Variants in IGSF9B observed in about 807,000 individuals in gnomAD.
IGSF9B encodes protein turtle homolog B.
Under a neutral mutation model 143.7 loss-of-function variants are expected in IGSF9B, and 48 were observed. The observed-to-expected ratio is 0.33, with a 90% CI of 0.26 to 0.42. The LOEUF is 0.42. IGSF9B is among the 20% of genes least tolerant of loss of function. IGSF9B has a pLI of 1.00. For synonymous variants in IGSF9B, 903 were observed against 833.1 expected (o/e 1.08, Z -1.44); for missense variants, 1,706 against 1,980.0 (o/e 0.86, Z 2.63).
rs1940206679 is a variant in IGSF9B, at chr11:133,953,852, G to T, written c.64+2839C>A. Among the ~76,000 whole-genome samples, 1 of 152,134 alleles carries T rather than the reference G, an allele frequency of 6.6e-6. No homozygotes were observed. ...CCAATCACTGTCTTCCAGGTTCTGG[G>T]TACCACTCCAGCCCCTCTCTTCTCC... On this transcript the variant is annotated intron_variant, in intron 1 of 19. Transcript: ENST00000533871. This position sits in a 1 kb window ranked among gnomAD's most constrained non-coding sequence, Gnocchi z 4.2.
rs1200436298 is a variant in IGSF9B at position 133,921,367 on chromosome 11, G to A, written c.2358C>T (p.Ser786=). The A allele has an allele frequency of 6.5e-7, 1 of 1,544,346 alleles. No individual in the cohort carries two copies. Among genetic ancestry groups the A allele is most frequent in the Admixed American group, 1.9e-5 (1 of 53,008 alleles). The change falls in exon 18 of 20, where the codon AGC becomes AGT. Residue 786 remains serine (S), a synonymous_variant. Transcript: ENST00000533871. ...PLSSGKVSPE[S]IRTLRAPSES... ...CTGACGGCGCTCGGAGCGTGCGGAT[G>A]CTCTCGGGGCTCACCTTGCCAGAGG...
Position 133,902,473 on chromosome 11 carries a change from C to CCACA in IGSF9B, c.*6592_*6595dup, listed in dbSNP as rs1368052412. 1.4e-5 allele frequency among the ~76,000 whole-genome samples: 1 copy of CCACA among 71,014 alleles called. No individual in the cohort carries two copies. The highest frequency in any genetic ancestry group is 3.9e-5 in the Non-Finnish European group (1 of 25,914). The allele number at this position is 71,014 out of a possible 152,430, so 46.6% of individuals were successfully genotyped here. ...GACACACCACACACAGATACACACA[C>CCACA]CACACACAACACACACACACACCAG... On this transcript the variant is annotated 3_prime_UTR_variant, in exon 20 of 20. Transcript: ENST00000533871.
In IGSF9B at chr11:133,920,405, G is replaced by C. The variant is rs755766026; in HGVS notation, c.3320C>G (p.Ser1107Trp). 1.3e-6 allele frequency: 2 copies of C among 1,593,828 alleles called. No homozygotes were observed. Among genetic ancestry groups the C allele is most frequent in the African/African-American group, 1.4e-5 (1 of 74,072 alleles). ...CGCTGGGACAGGGCCCCTGCCGGGC[G>C]ACTTGCCTGCCCAACCCTTCGGTGC... ...LEAPKGWAGK[S>W]PGRGPVPAPP... is the part of the protein sequence containing the mutation. The change falls in exon 18 of 20, where the codon TCG (serine) becomes TGG (tryptophan). Residue 1107 changes from serine (S) to tryptophan (W), a missense_variant. Transcript: ENST00000533871.
chr11:133,909,145 C>T lies in IGSF9B; in HGVS notation c.4238G>A (p.Arg1413His), dbSNP rs1043211043. 3.9e-6 allele frequency: 6 copies of T among 1,535,740 alleles called. No individual in the cohort carries two copies. The highest frequency in any genetic ancestry group is 5.2e-6 in the Non-Finnish European group (6 of 1,146,742). ...CGCTGTCTGGTCTTCCGGAAGCTGG[C>T]GGTGGCACAAGTCTGAGAGCCGGGC... The part of the protein sequence containing the change: ...PFARLSDLCH[R>H]QLPEDQTAIL... The change falls in exon 20 of 20, where the codon CGC becomes CAC. Residue 1413 changes from arginine to histidine, a missense_variant. Around this residue, in one of 7 missense-constraint regions of IGSF9B, gnomAD observed 880 missense variants for 762.9 expected, o/e 1.15. Coordinates refer to ENST00000533871, the MANE Select transcript of IGSF9B (RefSeq NM_001277285.4). This position sits in a 1 kb window ranked among gnomAD's most constrained non-coding sequence, Gnocchi z 4.2.
chr11:133,943,985 C>T (rs971931192), intron 3 of IGSF9B, among the ~76,000 whole-genome samples: 1 of 152,240 alleles, frequency 6.6e-6, no homozygotes, highest in Admixed American at 6.5e-5. Flanking sequence ...CAGCACCACA[C>T]ATGCAGGGAG....
intron 5 of IGSF9B, among the ~76,000 whole-genome samples, chr11:133,937,125 A>G (rs1454853327): frequency 1.3e-5 from 2 of 152,170 alleles, no homozygotes. Context: ...AAACCCACAC[A>G]GCAGGGGCCT....
Position 133,931,841 on chromosome 11 carries a change from C to T in IGSF9B, c.1111-46G>A, listed in dbSNP as rs575533987. 31 of 1,599,718 alleles carry T rather than the reference C, an allele frequency of 1.9e-5. No homozygotes were observed. Among genetic ancestry groups the T allele is most frequent in the Non-Finnish European group, 2.4e-5 (28 of 1,175,156 alleles). ...GGCAGGGAACGCTGGTCAGAGACTC[C>T]GCGCTCCATCCCAGGCTGGGTCCCA... On this transcript the variant is annotated intron_variant, in intron 8 of 19. Transcript: ENST00000533871. The surrounding 1 kb of genome is among the most constrained non-coding windows in gnomAD (Gnocchi z 7.7).
intron 18 of IGSF9B, among the ~76,000 whole-genome samples, chr11:133,916,738 G>T (rs1383757742): frequency 6.6e-6 from 1 of 152,192 alleles, no homozygotes; most frequent in African/African-American, 2.4e-5. Context: ...AATAACACAT[G>T]AGAGCAGAGT....
In IGSF9B at chr11:133,920,115, G is replaced by T. The variant is rs751716378; in HGVS notation, c.3610C>A (p.Leu1204Met). Reference sequence around the variant, plus strand: ...CGGGAGCTGAGGGGGCTTTGGGTCAGAGGTGAGAGCCGGGAGGGCTGTAGC... The same window carrying T: ...CGGGAGCTGAGGGGGCTTTGGGTCATAGGTGAGAGCCGGGAGGGCTGTAGC... Reference protein sequence around the residue: ...VVLQPSRLSPLTQSPLSSRTG... With the variant: ...VVLQPSRLSPMTQSPLSSRTG... Residue 1204 changes from leucine (L) to methionine (M), a missense_variant, in exon 18 of 20, where the codon CTG (leucine) becomes ATG (methionine). Around this residue, in one of 7 missense-constraint regions of IGSF9B, gnomAD observed 880 missense variants for 762.9 expected, o/e 1.15. Transcript: ENST00000533871. 1 of 1,516,616 alleles carries T rather than the reference G, an allele frequency of 6.6e-7. No homozygotes were observed. Among genetic ancestry groups the T allele is most frequent in the Non-Finnish European group, 8.8e-7 (1 of 1,132,476 alleles). The allele number at this position is 1,516,616 out of a possible 1,614,324, so 93.9% of individuals were successfully genotyped here.
chr11:133,921,512 C>T (rs1285690408), intron 17 of IGSF9B, 115 bp from the exon 18 acceptor site: 3 of 761,830 alleles, frequency 3.9e-6, no homozygotes, highest in African/African-American at 3.5e-5. Context: ...CTCAAGAAAA[C>T]TGGCTGTGTA....
Position 133,946,189 on chromosome 11 carries a change from C to T in IGSF9B, c.134G>A (p.Cys45Tyr). 1.2e-6 allele frequency: 2 copies of T among 1,613,736 alleles called. No homozygotes were observed. The highest frequency in any genetic ancestry group is 1.7e-6 in the Non-Finnish European group (2 of 1,179,800). ...ARAGESVVLRCDVIHPVTGQP... is the reference protein window; with the variant it reads ...ARAGESVVLRYDVIHPVTGQP... ...TCCCGTCACTGGGTGGATCACGTCGCATCGCAGGACCACGCTCTCCCCAGC... is the reference window on the plus strand; with the variant it reads ...TCCCGTCACTGGGTGGATCACGTCGTATCGCAGGACCACGCTCTCCCCAGC... The change falls in exon 2 of 20, where the codon TGC (cysteine) becomes TAC (tyrosine). Residue 45 changes from cysteine (C) to tyrosine (Y), a missense_variant. Around this residue, in one of 7 missense-constraint regions of IGSF9B, gnomAD observed 171 missense variants for 213.9 expected, o/e 0.80. Transcript: ENST00000533871.
chr11:133,935,990 A>G, intron 6 of IGSF9B, 63 bp downstream of exon 6: 1 of 1,578,132 alleles, frequency 6.3e-7, no homozygotes, highest in Non-Finnish European at 8.6e-7. Flanking sequence ...ATTTCTGCTC[A>G]GGGGCCCTGC....
At chr11:133,919,129 T>TTG in intron 18 of IGSF9B, 2 of 174,382 alleles carry the variant, frequency 1.1e-5, no homozygotes, top group South Asian at 4.1e-5. Flanking sequence ...GGGGGGGGGG[T>TTG]GGGGGACGTG....
rs1344850675 is a variant in IGSF9B at position 133,920,001 on chromosome 11, G to C, written c.3724C>G (p.Pro1242Ala). The change falls in exon 18 of 20, where the codon CCG becomes GCG. Residue 1242 changes from proline (P) to alanine (A), a missense_variant. Pro to Ala is a conservative substitution (Grantham distance 27). This residue lies in a region of IGSF9B where 880 missense variants were observed against 762.9 expected (regional missense o/e 1.15). Transcript: ENST00000533871. ...AEMSEITLQP[P>A]AAVSFSRKST... ...TTTCGAGAAAAGCTGACTGCAGCCG[G>C]CGGCTGCAGGGTGATCTCTGACATC... 6.3e-7 allele frequency: 1 copy of C among 1,582,704 alleles called. No individual in the cohort carries two copies. Among genetic ancestry groups the C allele is most frequent in the African/African-American group, 1.4e-5 (1 of 73,532 alleles).
In IGSF9B at chr11:133,919,789, C is replaced by A; in HGVS notation, c.3936G>T (p.Glu1312Asp). 1 of 1,499,126 alleles carries A rather than the reference C, an allele frequency of 6.7e-7. No individual in the cohort carries two copies. The highest frequency in any genetic ancestry group is 2.3e-5 in the Admixed American group (1 of 44,156). The allele number at this position is 1,499,126 out of a possible 1,614,324, so 92.9% of individuals were successfully genotyped here. ...GTGGGGTCTCCGGTCGGAGCAATTC[C>A]TCCCCCGTCCTTCGAGGGGAAGGCG... is the stretch of plus-strand genomic sequence containing the variant. ...GQTPSPRRTG[E>D]ELLRPETPPP... is the part of the protein sequence containing the mutation. Residue 1312 changes from glutamate to aspartate, a missense_variant, in exon 18 of 20, where the codon GAG (glutamate) becomes GAT (aspartate). By Grantham distance (45) the Glu-to-Asp change is conservative. This residue lies in a region of IGSF9B where 880 missense variants were observed against 762.9 expected (regional missense o/e 1.15). Coordinates refer to ENST00000533871, the MANE Select transcript of IGSF9B (RefSeq NM_001277285.4).
At chr11:133,926,089 G>A (rs936127707) in intron 13 of IGSF9B, 124 bp from the exon 14 acceptor site, 4 of 679,058 alleles carry the variant, frequency 5.9e-6, no homozygotes, top group Non-Finnish European at 1.0e-5. Flanking sequence ...CCGGGGCCCA[G>A]GGCTTCAGGG....
rs1290124794 is a variant in IGSF9B, at chr11:133,905,056, G to T, written c.*4013C>A. On this transcript the variant is annotated 3_prime_UTR_variant, in exon 20 of 20. Coordinates refer to ENST00000533871, the MANE Select transcript of IGSF9B (RefSeq NM_001277285.4). The surrounding 1 kb of genome is among the most constrained non-coding windows in gnomAD (Gnocchi z 4.0). ...AGTACCACAGAGGCTGGACTCAACA[G>T]AGCCTTCCATGACCCGCTCAGCTCC... 2.0e-5 allele frequency among the ~76,000 whole-genome samples: 3 copies of T among 151,266 alleles called. No homozygotes were observed. Among genetic ancestry groups the T allele is most frequent in the African/African-American group, 7.3e-5 (3 of 41,116 alleles).
Position 133,937,829 on chromosome 11 carries a change from C to G in IGSF9B, c.542G>C (p.Gly181Ala), listed in dbSNP as rs768790374. ...VTWLKEGTLLGASGKYQVSDG... is the reference protein window; with the variant it reads ...VTWLKEGTLLAASGKYQVSDG... ...ACTCACCTGGTATTTCCCACTAGCA[C>G]CGAGGAGCGTCCCCTCCTTGAGCCA... is the stretch of plus-strand genomic sequence containing the variant. Residue 181 changes from glycine to alanine, a missense_variant, in exon 4 of 20, where the codon GGT (glycine) becomes GCT (alanine). By Grantham distance (60) the Gly-to-Ala change is moderately conservative. Around this residue, in one of 7 missense-constraint regions of IGSF9B, gnomAD observed 238 missense variants for 452.6 expected, o/e 0.53. Transcript: ENST00000533871. The G allele has an allele frequency of 6.2e-7, 1 of 1,610,032 alleles. No homozygotes were observed. The highest frequency in any genetic ancestry group is 1.7e-5 in the Admixed American group (1 of 59,446).
chr11:133,896,783 T>G lies in IGSF9B; in HGVS notation c.*12286A>C, dbSNP rs1939024393. 6.6e-6 allele frequency: 1 copy of G among 152,260 alleles called. No homozygotes were observed. The highest frequency in any genetic ancestry group is 1.5e-5 in the Non-Finnish European group (1 of 68,072). The allele number at this position is 152,260 out of a possible 1,614,324, so 9.4% of individuals were successfully genotyped here. ...TGCAGGTTCTCTTCCTGACTGAGTC[T>G]GGGGTGTCACTCCATTTTTGACTGC... On this transcript the variant is annotated 3_prime_UTR_variant, in exon 20 of 20. Coordinates refer to ENST00000533871, the MANE Select transcript of IGSF9B (RefSeq NM_001277285.4).
Sources: gnomAD v4.1 joint callset for allele counts (sites outside exome capture counted in the v4.1 genomes callset) on GRCh38, gnomAD v4.1.1 for gene constraint, gnomAD v4.1.1 regional missense constraint, Gnocchi (gnomAD v3.1) non-coding constraint, MANE v1.5 for transcripts, NCBI Gene and HGNC (gene_info 2026-07-23, HGNC 2026-07-21) for gene names.